CA10: variants seen among roughly 807,000 people sequenced by gnomAD.
CA10 encodes carbonic anhydrase 10 (inactive), also known as carbonic anhydrase-related protein 10.
CA10 carries 14 observed loss-of-function variants against 44.2 expected under a neutral mutation model. That is an observed-to-expected ratio of 0.32 (90% confidence interval 0.21 to 0.50). CA10 has a LOEUF of 0.50. Ranked by LOEUF, CA10 falls within the 20% of genes least tolerant of loss-of-function variation. The pLI, the probability that CA10 is intolerant of heterozygous loss-of-function variation, is 0.99. For synonymous variants in CA10, 159 were observed against 141.6 expected (o/e 1.12, Z -0.87); for missense variants, 350 against 409.7 (o/e 0.85, Z 1.26).
chr17:51,935,212 C>T (rs1032636626), intron 2 of CA10, among the ~76,000 whole-genome samples: 4 of 152,118 alleles, frequency 2.6e-5, no homozygotes, highest in Non-Finnish European at 5.9e-5. Context: ...GCAGGCACTG[C>T]CTCTATTTCC....
At chr17:51,775,655 G>T (rs1905790807) in intron 3 of CA10, among the ~76,000 whole-genome samples, 1 of 152,268 alleles carries the variant, frequency 6.6e-6, no homozygotes, top group Non-Finnish European at 1.5e-5. Context: ...ACAATGAAAT[G>T]CACAATTACA....
intron 1 of CA10, among the ~76,000 whole-genome samples, chr17:52,078,688 C>T (rs1039604227): frequency 6.6e-6 from 1 of 152,150 alleles, no homozygotes; most frequent in African/African-American, 2.4e-5. Context: ...TCTTTCCTTG[C>T]ATGGCCAATT....
chr17:51,853,496 A>T (rs947572346), intron 3 of CA10, among the ~76,000 whole-genome samples: 7 of 152,166 alleles, frequency 4.6e-5, no homozygotes, highest in African/African-American at 1.4e-4. Context: ...AATGCCCCAA[A>T]CCCCAACAGA....
chr17:51,805,987 C>T (rs747562498), intron 3 of CA10, among the ~76,000 whole-genome samples: 1 of 152,166 alleles, frequency 6.6e-6, no homozygotes, highest in Non-Finnish European at 1.5e-5. Flanking sequence ...ATAGCAAAGG[C>T]TAGGGCTTGG....
intron 3 of CA10, among the ~76,000 whole-genome samples, chr17:51,809,601 T>A (rs1181077259): frequency 6.6e-6 from 1 of 152,216 alleles, no homozygotes; most frequent in Non-Finnish European, 1.5e-5. Flanking sequence ...GACCATCATA[T>A]GATACAGACG....
intron 1 of CA10, among the ~76,000 whole-genome samples, chr17:52,087,503 A>G (rs11079991): frequency 0.076 from 11,579 of 152,206 alleles, 488 homozygotes; most frequent in South Asian, 0.15. Flanking sequence ...AAGATTAGAG[A>G]AATTAAAGGT....
intron 2 of CA10, among the ~76,000 whole-genome samples, chr17:52,064,420 T>C (rs1987477166): frequency 6.6e-6 from 1 of 152,150 alleles, no homozygotes; most frequent in African/African-American, 2.4e-5. Flanking sequence ...TACCACTTAC[T>C]CCATGAATTA....
At chr17:51,689,083 C>T (rs1448785137) in intron 4 of CA10, among the ~76,000 whole-genome samples, 3 of 152,192 alleles carry the variant, frequency 2.0e-5, no homozygotes, top group African/African-American at 4.8e-5. Context: ...GTGGTGCTCT[C>T]AACCATATCA....
At chr17:51,933,170 A>C (rs979716439) in intron 2 of CA10, among the ~76,000 whole-genome samples, 32 of 152,136 alleles carry the variant, frequency 2.1e-4, no homozygotes, top group African/African-American at 5.8e-4. Context: ...GATGTTTACT[A>C]TCCTAATCCT....
intron 4 of CA10, among the ~76,000 whole-genome samples, chr17:51,726,740 G>C (rs1172188968): frequency 2.0e-5 from 3 of 152,058 alleles, no homozygotes; most frequent in Admixed American, 2.0e-4. Context: ...TATATATTCT[G>C]TTCCCCTACT....
chr17:51,924,462 A>T (rs1982347081), intron 3 of CA10, among the ~76,000 whole-genome samples: 1 of 152,196 alleles, frequency 6.6e-6, no homozygotes, highest in East Asian at 1.9e-4. Flanking sequence ...TATTTATTTC[A>T]TGGGAAATGT....
chr17:51,728,732 A>G (rs1465245174), intron 4 of CA10, among the ~76,000 whole-genome samples: 1 of 152,098 alleles, frequency 6.6e-6, no homozygotes, highest in Non-Finnish European at 1.5e-5. Flanking sequence ...TGAAGATATT[A>G]TTTTCCATTT....
At chr17:51,669,591 A>G (rs184463003) in intron 4 of CA10, among the ~76,000 whole-genome samples, 7 of 152,258 alleles carry the variant, frequency 4.6e-5, no homozygotes, top group South Asian at 4.2e-4. Context: ...ACTCACCGCG[A>G]AGGTCTGCAG....
intron 1 of CA10, among the ~76,000 whole-genome samples, chr17:52,125,706 C>T (rs532713835): frequency 6.6e-6 from 1 of 152,126 alleles, no homozygotes; most frequent in Non-Finnish European, 1.5e-5. Context: ...TAATATATTT[C>T]CTGCCTTTCC....
At chr17:51,996,471 T>C (rs1985240656) in intron 2 of CA10, among the ~76,000 whole-genome samples, 1 of 152,072 alleles carries the variant, frequency 6.6e-6, no homozygotes, top group African/African-American at 2.4e-5. Context: ...TTCCATTTGG[T>C]CTGACTTATT....
intron 1 of CA10, among the ~76,000 whole-genome samples, chr17:52,086,375 T>C (rs769026405): frequency 6.6e-6 from 1 of 152,232 alleles, no homozygotes; most frequent in Non-Finnish European, 1.5e-5. Flanking sequence ...CTCTGCTATC[T>C]GCAATACAAG....
chr17:51,804,800 T>G (rs979575945), intron 3 of CA10, among the ~76,000 whole-genome samples: 2 of 151,918 alleles, frequency 1.3e-5, no homozygotes, highest in East Asian at 1.9e-4. Context: ...GTAACTTGTC[T>G]TTGTTTTATT....
At chr17:51,933,925 G>A (rs564036112) in intron 2 of CA10, among the ~76,000 whole-genome samples, 1 of 152,214 alleles carries the variant, frequency 6.6e-6, no homozygotes, top group African/African-American at 2.4e-5. Context: ...AACACAAACA[G>A]GAAAAACTTT....
intron 3 of CA10, among the ~76,000 whole-genome samples, chr17:51,805,773 C>T (rs1486566717): frequency 6.6e-6 from 1 of 152,196 alleles, no homozygotes; most frequent in Non-Finnish European, 1.5e-5. Flanking sequence ...TAACTCCCCA[C>T]TCCCACCCCT....
Sources: allele counts gnomAD v4.1 joint callset (sites outside exome capture counted in the v4.1 genomes callset), GRCh38; gene constraint gnomAD v4.1.1; transcripts MANE v1.5; gene names NCBI Gene and HGNC (gene_info 2026-07-23, HGNC 2026-07-21).